The following LRRC69 variants were observed in gnomAD, a reference collection of about 807,000 sequenced individuals.
LRRC69 encodes the protein leucine rich repeat containing 69, also known as leucine-rich repeat-containing protein 69.
Under a neutral mutation model 37.8 loss-of-function variants are expected in LRRC69, and 42 were observed. The ratio of observed to expected loss-of-function variants is 1.11; its 90% confidence interval spans 0.87 to 1.44. The LOEUF (loss-of-function observed/expected upper bound fraction) is 1.44. Ranked by LOEUF, LRRC69 falls within the 40% of genes most tolerant of loss-of-function variation. LRRC69 has a pLI of 0.00. For missense variants in LRRC69, 357 were observed against 401.9 expected, an observed-to-expected ratio of 0.89 and a Z score of 0.96; for synonymous variants, 141 against 143.1, an observed-to-expected ratio of 0.99 and a Z score of 0.11.
chr8:91,118,106 G>A (rs556062228), intron 1 of LRRC69: 1 of 451,124 alleles, frequency 2.2e-6, no homozygotes, highest in African/African-American at 2.0e-5. Flanking sequence ...TAGATAGCTA[G>A]ATCTTCCTAA....
At chr8:91,150,343 CAT>C (rs1808709806) in intron 5 of LRRC69, among the ~76,000 whole-genome samples, 2 of 151,916 alleles carry the variant, frequency 1.3e-5, no homozygotes, top group South Asian at 2.1e-4. Context: ...TTGAGATAAT[CAT>C]GTGGTTTTTG....
exon 4 of LRRC69, chr8:91,133,142 A>G (rs1487924373): frequency 5.9e-6 from 9 of 1,520,558 alleles, no homozygotes; most frequent in Non-Finnish European, 7.9e-6. Flanking sequence ...AGTATAAATT[A>G]TAACCAACTA....
At chr8:91,139,733 C>G (rs569782168) in intron 5 of LRRC69, among the ~76,000 whole-genome samples, 1 of 151,704 alleles carries the variant, frequency 6.6e-6, no homozygotes, top group Admixed American at 6.6e-5. Context: ...TTTTTTCACA[C>G]GATACTATGT....
intron 6 of LRRC69, among the ~76,000 whole-genome samples, chr8:91,190,030 G>T (rs965043908): frequency 2.6e-5 from 4 of 152,120 alleles, no homozygotes; most frequent in African/African-American, 9.7e-5. Context: ...AGCAAAACAA[G>T]TTAATGGTAT....
At chr8:91,191,630 G>A (rs1431173811) in intron 6 of LRRC69, among the ~76,000 whole-genome samples, 1 of 152,132 alleles carries the variant, frequency 6.6e-6, no homozygotes, top group Non-Finnish European at 1.5e-5. Context: ...TCAGAAAGGG[G>A]ATATAGGGAG....
At chr8:91,192,216 G>A (rs1305299740) in intron 6 of LRRC69, among the ~76,000 whole-genome samples, 1 of 152,062 alleles carries the variant, frequency 6.6e-6, no homozygotes, top group Non-Finnish European at 1.5e-5. Context: ...TGGTGTATAT[G>A]TGCCACATTT....
intron 5 of LRRC69, among the ~76,000 whole-genome samples, chr8:91,175,602 T>G (rs546257183): frequency 6.6e-6 from 1 of 152,220 alleles, no homozygotes; most frequent in South Asian, 2.1e-4. Flanking sequence ...AGTCAAGCTC[T>G]TGTTCAGTTA....
chr8:91,135,394 C>T (rs1417120512), intron 4 of LRRC69, among the ~76,000 whole-genome samples: 8 of 151,954 alleles, frequency 5.3e-5, no homozygotes, highest in Admixed American at 5.2e-4. Context: ...AGTTATAGTA[C>T]CTGCCAGAGG....
intron 5 of LRRC69, among the ~76,000 whole-genome samples, chr8:91,138,520 A>G (rs1808462599): frequency 6.6e-6 from 1 of 150,820 alleles, no homozygotes; most frequent in African/African-American, 2.5e-5. Flanking sequence ...TTGGTGTGCA[A>G]TTTAGAAAAT....
chr8:91,191,464 A>G (rs1809495094), intron 6 of LRRC69, among the ~76,000 whole-genome samples: 1 of 152,150 alleles, frequency 6.6e-6, no homozygotes, highest in African/African-American at 2.4e-5. Flanking sequence ...ACTAACCCTA[A>G]AAAGATAGGT....
intron 5 of LRRC69, among the ~76,000 whole-genome samples, chr8:91,141,432 G>A (rs1808531710): frequency 6.6e-6 from 1 of 152,050 alleles, no homozygotes; most frequent in African/African-American, 2.4e-5. Context: ...GAATCTTGGA[G>A]GACACTATTT....
chr8:91,120,590 G>A (rs1813601458), intron 1 of LRRC69, among the ~76,000 whole-genome samples: 1 of 152,118 alleles, frequency 6.6e-6, no homozygotes. Context: ...TGGAAGGATG[G>A]AGCAGAGGCA....
intron 5 of LRRC69, among the ~76,000 whole-genome samples, chr8:91,166,391 T>G (rs2130573018): frequency 6.6e-6 from 1 of 150,530 alleles, no homozygotes; most frequent in Non-Finnish European, 1.5e-5. Context: ...TTCTTGCCAC[T>G]CATTTTTCCT....
chr8:91,123,238 C>T (rs1228516660), intron 1 of LRRC69, among the ~76,000 whole-genome samples: 1 of 151,970 alleles, frequency 6.6e-6, no homozygotes, highest in Non-Finnish European at 1.5e-5. Flanking sequence ...TCGTTCTAAG[C>T]CACAAAGTTT....
At chr8:91,218,194 GA>G (rs1810089771) in intron 7 of LRRC69, among the ~76,000 whole-genome samples, 1 of 152,140 alleles carries the variant, frequency 6.6e-6, no homozygotes, top group Non-Finnish European at 1.5e-5. Flanking sequence ...ACCAGTTGTG[GA>G]AATCTTTTGG....
At chr8:91,129,392 A>G (rs1813769685) in intron 3 of LRRC69, among the ~76,000 whole-genome samples, 1 of 151,990 alleles carries the variant, frequency 6.6e-6, no homozygotes, top group South Asian at 2.1e-4. Context: ...GCTTTGTGGA[A>G]TCGGGAACAA....
rs183946039 is a variant in LRRC69 at position 91,150,972 on chromosome 8, C to T, written c.651+15233C>T. Among the ~76,000 whole-genome samples, 4 of 151,946 alleles carry T rather than the reference C, an allele frequency of 2.6e-5. No homozygotes were observed. In the East Asian group the frequency reaches 7.7e-4, roughly 29 times the overall value. On this transcript the variant is annotated intron_variant, in intron 5 of 7. Transcript: ENST00000448384. The stretch of plus-strand genomic sequence containing the variant: ...TTTATTGTGTCTGTTTCATTCTTCT[C>T]TCTTTTTTTCTTTATTAGTCTTGCT...
intron 5 of LRRC69, chr8:91,158,322 C>A (rs941306957): frequency 1.4e-6 from 2 of 1,476,754 alleles, no homozygotes; most frequent in African/African-American, 1.4e-5. Context: ...CTGGAATTTA[C>A]CCTTCTGTTT....
At chr8:91,125,720 A>G (rs994884793) in intron 2 of LRRC69, among the ~76,000 whole-genome samples, 1 of 151,768 alleles carries the variant, frequency 6.6e-6, no homozygotes, top group Non-Finnish European at 1.5e-5. Context: ...TTAAGGCTCT[A>G]TAAGGAATTT....
Sources: allele counts gnomAD v4.1 joint callset (sites outside exome capture counted in the v4.1 genomes callset), GRCh38; gene constraint gnomAD v4.1.1; transcripts MANE v1.5; gene names NCBI Gene and HGNC (gene_info 2026-07-23, HGNC 2026-07-21).